Variants in TNKS observed in about 807,000 individuals in gnomAD.
TNKS encodes tankyrase.
Under a neutral mutation model 135.8 loss-of-function variants are expected in TNKS, and 72 were observed. That is an observed-to-expected ratio of 0.53 (90% confidence interval 0.44 to 0.64). TNKS has a LOEUF of 0.64. Among genes scored for constraint, TNKS ranks in the 30% least tolerant of loss-of-function variants. The pLI is 0.00. For missense variants in TNKS, 1,769 were observed against 1,674.0 expected, an observed-to-expected ratio of 1.06 and a Z score of -0.99; for synonymous variants, 849 against 649.3, an observed-to-expected ratio of 1.31 and a Z score of -4.68.
In TNKS at chr8:9,615,490, T is replaced by A. The variant is rs971056279; in HGVS notation, c.899-92T>A. The A allele has an allele frequency of 5.1e-6, 5 of 971,348 alleles. No individual in the cohort carries two copies. The African/African-American group carries it at 6.8e-5, about 13-fold the overall frequency. 60.2% of individuals were successfully genotyped at this position (971,348 alleles called of 1,614,324 possible). A position where few individuals can be genotyped will look rare whatever the true frequency, so the allele number is the denominator to read the frequency against. ...AAAGAGAAAAAATTTGTGCAATGTA[T>A]GTTTATGCCTACACCATGCCGAGAC... On this transcript the variant is annotated intron_variant, in intron 2 of 26. Coordinates refer to ENST00000310430, the MANE Select transcript of TNKS (RefSeq NM_003747.3).
intron 17 of TNKS, among the ~76,000 whole-genome samples, chr8:9,740,063 A>T (rs1418085923): frequency 1.4e-5 from 2 of 147,878 alleles, no homozygotes; most frequent in Non-Finnish European, 3.0e-5. Flanking sequence ...AATAAAAAAA[A>T]AAAAAAAAAA....
rs113517822 is a variant in TNKS, at chr8:9,598,195, G to A, written c.899-17387G>A. ...TGAGTAGCTGGGACTACAGGTGCCT[G>A]CCACCATGCCCGGCTAATTTTTTAT... On this transcript the variant is annotated intron_variant, in intron 2 of 26. Coordinates refer to ENST00000310430, the MANE Select transcript of TNKS (RefSeq NM_003747.3). Among the ~76,000 whole-genome samples the A allele has an allele frequency of 2.7e-3, 412 of 152,166 alleles. 2 individuals are homozygous for A. Among genetic ancestry groups the A allele is most frequent in the African/African-American group, 9.2e-3 (380 of 41,506 alleles).
chr8:9,717,718 C>G (rs1012243255), intron 11 of TNKS, among the ~76,000 whole-genome samples: 1 of 152,090 alleles, frequency 6.6e-6, no homozygotes, highest in African/African-American at 2.4e-5. Context: ...AGATCCTTCT[C>G]TTAAGGAACT....
intron 12 of TNKS, among the ~76,000 whole-genome samples, chr8:9,721,144 G>A (rs1403564938): frequency 1.3e-5 from 2 of 151,750 alleles, no homozygotes; most frequent in African/African-American, 4.8e-5. Flanking sequence ...GCTGGGCGGA[G>A]TGGCGCATGC....
chr8:9,572,413 A>T (rs1275321981), intron 1 of TNKS, among the ~76,000 whole-genome samples: 1 of 152,162 alleles, frequency 6.6e-6, no homozygotes, highest in African/African-American at 2.4e-5. Flanking sequence ...TATTAATCTG[A>T]ACTTTTACTT....
chr8:9,652,448 G>T (rs999360190), intron 3 of TNKS, among the ~76,000 whole-genome samples: 1 of 152,066 alleles, frequency 6.6e-6, no homozygotes, highest in African/African-American at 2.4e-5. Flanking sequence ...ATCAATTTCT[G>T]TAGCTTCTCA....
At chr8:9,756,574 T>A (rs997706027) in intron 20 of TNKS, among the ~76,000 whole-genome samples, 11 of 151,676 alleles carry the variant, frequency 7.3e-5, no homozygotes, top group South Asian at 2.1e-4. Flanking sequence ...GAAAAAAAAA[T>A]GTCTAACAGC....
rs111570446 is a variant in TNKS at position 9,759,992 on chromosome 8, C to A, written c.3154-1524C>A. 6.8e-3 allele frequency among the ~76,000 whole-genome samples: 760 copies of A among 112,112 alleles called. 5 individuals are homozygous for A. The highest frequency in any genetic ancestry group is 0.02 in the African/African-American group (611 of 29,862). The allele number at this position is 112,112 out of a possible 152,430, so 73.5% of individuals were successfully genotyped here. ...GACTCTGTCTCAAAAGAAAACAAAA[C>A]AAAAAAAAAAAAAGTAAAGTCTGAG... On this transcript the variant is annotated intron_variant, in intron 20 of 26. Transcript: ENST00000310430.
intron 3 of TNKS, among the ~76,000 whole-genome samples, chr8:9,625,538 T>G (rs887408324): frequency 6.6e-6 from 1 of 152,138 alleles, no homozygotes; most frequent in African/African-American, 2.4e-5. Flanking sequence ...ATTTTTCTTT[T>G]AAGTACTGCT....
At chr8:9,713,935 T>C (rs7459728) in intron 11 of TNKS, among the ~76,000 whole-genome samples, 106,380 of 152,058 alleles carry the variant, frequency 0.7, 37,515 homozygotes, top group Middle Eastern at 0.8. Flanking sequence ...CTGAACACAC[T>C]TTCTGAACAA....
intron 3 of TNKS, chr8:9,679,650 G>T (rs1467088083): frequency 3.0e-5 from 9 of 302,916 alleles, no homozygotes; most frequent in Non-Finnish European, 5.6e-5. Flanking sequence ...ATTGTCTTCA[G>T]CTGGCATGCT....
chr8:9,704,781 G>T (rs747627782), intron 6 of TNKS, 24 bp downstream of exon 6: 3 of 1,586,814 alleles, frequency 1.9e-6, no homozygotes, highest in Non-Finnish European at 2.6e-6. Flanking sequence ...TTTACTTCCT[G>T]TCAGTGCTTT....
chr8:9,704,691 A>G lies in TNKS; in HGVS notation c.1136A>G (p.Tyr379Cys), dbSNP rs778525617. The change falls in exon 6 of 27, where the codon TAC becomes TGC. Residue 379 changes from tyrosine to cysteine, a missense_variant. Transcript: ENST00000310430. ...ACTCCTTTACATCTAGCAGCGGGCT[A>G]CAACAGAGTTCGAATAGTTCAGCTT... ...KSTPLHLAAG[Y>C]NRVRIVQLLL... The G allele has an allele frequency of 6.2e-7, 1 of 1,613,520 alleles. No individual in the cohort carries two copies. Among genetic ancestry groups the G allele is most frequent in the Non-Finnish European group, 8.5e-7 (1 of 1,179,546 alleles).
In TNKS at chr8:9,733,291, C is replaced by T; in HGVS notation, c.2160C>T (p.Pro720=). ...TTCTTTTGTTTAGTGGCTTGGTGCC[C>T]CTTCATAATGCCTGTTCATATGGAC... ...VHAKDKGGLV[P]LHNACSYGHY... Residue 720 remains proline, a synonymous_variant, in exon 15 of 27, where the codon CCC becomes CCT. Transcript: ENST00000310430. 1.9e-6 allele frequency: 3 copies of T among 1,560,962 alleles called. No individual in the cohort carries two copies. Among genetic ancestry groups the T allele is most frequent in the Non-Finnish European group, 2.6e-6 (3 of 1,160,980 alleles).
chr8:9,556,046 GCCCTGGCCTGGC>G lies in TNKS; in HGVS notation c.111_122del (p.Leu39_Gly42del). ...CCGCCGCCACCTCCTCCCCCACTCA[GCCCTGGCCTGGC>G]CCCGGGGACCACCCCAGCCTCTCCC... On this transcript the variant is annotated inframe_deletion, in exon 1 of 27. Transcript: ENST00000310430. 1 of 1,610,640 alleles carries G rather than the reference GCCCTGGCCTGGC, an allele frequency of 6.2e-7. No homozygotes were observed. The highest frequency in any genetic ancestry group is 8.5e-7 in the Non-Finnish European group (1 of 1,179,110).
chr8:9,782,291 G>T lies in TNKS; in HGVS notation c.*5555G>T, dbSNP rs1464108345. The stretch of plus-strand genomic sequence containing the variant: ...ACCTGCAATTGTGCTTTGGCTTAAT[G>T]TCTAGCTCACTGTACTTGTAAATGA... On this transcript the variant is annotated 3_prime_UTR_variant, in exon 27 of 27. Coordinates refer to ENST00000310430, the MANE Select transcript of TNKS (RefSeq NM_003747.3). The T allele has an allele frequency of 6.6e-6, 1 of 152,654 alleles. No individual in the cohort carries two copies. The highest frequency in any genetic ancestry group is 6.5e-5 in the Admixed American group (1 of 15,282). The allele number at this position is 152,654 out of a possible 1,614,324, so 9.5% of individuals were successfully genotyped here.
chr8:9,709,288 C>G (rs1277747146), intron 9 of TNKS, among the ~76,000 whole-genome samples: 1 of 152,202 alleles, frequency 6.6e-6, no homozygotes, highest in East Asian at 1.9e-4. Flanking sequence ...GAGATAGATT[C>G]AAGCTACACG....
intron 3 of TNKS, among the ~76,000 whole-genome samples, chr8:9,663,049 A>G (rs1003163910): frequency 1.3e-5 from 2 of 152,228 alleles, no homozygotes; most frequent in Non-Finnish European, 2.9e-5. Context: ...ATCAGAGACG[A>G]TCTGATGACA....
At chr8:9,719,646 A>G (rs1420599793) in intron 11 of TNKS, among the ~76,000 whole-genome samples, 1 of 152,202 alleles carries the variant, frequency 6.6e-6, no homozygotes, top group African/African-American at 2.4e-5. Context: ...AAGAGCAGCA[A>G]GCACAATGAA....
Sources: gnomAD v4.1 joint callset for allele counts (sites outside exome capture counted in the v4.1 genomes callset) on GRCh38, gnomAD v4.1.1 for gene constraint, MANE v1.5 for transcripts, NCBI Gene and HGNC (gene_info 2026-07-23, HGNC 2026-07-21) for gene names.